BICD1: variants seen among roughly 807,000 people sequenced by gnomAD.
The protein encoded by BICD1 is protein bicaudal D homolog 1.
BICD1 carries 35 observed loss-of-function variants against 92.5 expected under a neutral mutation model. The observed-to-expected ratio is 0.38, with a 90% CI of 0.29 to 0.50. The LOEUF (loss-of-function observed/expected upper bound fraction) is 0.50, where lower values mean the gene tolerates loss of function less well. Among genes scored for constraint, BICD1 ranks in the 20% least tolerant of loss-of-function variants. The pLI, the probability that BICD1 is intolerant of heterozygous loss-of-function variation, is 0.93. For missense variants in BICD1, 950 were observed against 1,189.8 expected, an observed-to-expected ratio of 0.80 and a Z score of 2.97; for synonymous variants, 429 against 465.1, an observed-to-expected ratio of 0.92 and a Z score of 1.00.
At chr12:32,376,810 G>A (rs1397387336) in intron 9 of BICD1, among the ~76,000 whole-genome samples, 1 of 144,342 alleles carries the variant, frequency 6.9e-6, no homozygotes, top group Non-Finnish European at 1.5e-5. Context: ...GGAGGCTGCA[G>A]TGAGCTGAGA....
chr12:32,362,126 G>A (rs544764203), intron 8 of BICD1, among the ~76,000 whole-genome samples: 28 of 152,318 alleles, frequency 1.8e-4, no homozygotes, highest in Admixed American at 9.8e-4. Context: ...TTGGGAGGCC[G>A]AGGCAGGCAG....
chr12:32,252,116 TA>T lies in BICD1; in HGVS notation c.426+35658del, dbSNP rs1340559948. Among the ~76,000 whole-genome samples the T allele has an allele frequency of 7.6e-4, 56 of 73,910 alleles. 1 individual carries two copies. The highest frequency in any genetic ancestry group is 3.1e-3 in the African/African-American group (48 of 15,580). The allele number at this position is 73,910 out of a possible 152,430, so 48.5% of individuals were successfully genotyped here. A position where few individuals can be genotyped will look rare whatever the true frequency, so the allele number is the denominator to read the frequency against. On this transcript the variant is annotated intron_variant, in intron 2 of 9. Transcript: ENST00000652176. ...TATATTTATAATAAATATTATATAT[TA>T]TATATTTATAATAAATATTATATAT... is the stretch of plus-strand genomic sequence containing the variant.
intron 7 of BICD1, 116 bp from the exon 8 acceptor site, chr12:32,338,670 A>C: frequency 1.1e-6 from 1 of 871,618 alleles, no homozygotes; most frequent in Non-Finnish European, 1.7e-6. Flanking sequence ...ATTGATTTAC[A>C]TATTTAAAAA....
rs755982593 is a variant in BICD1, at chr12:32,306,500, T to TC, written c.1005+380dup. The stretch of plus-strand genomic sequence containing the variant: ...ACTTCGTGATCCGCCCGCCTTGGCC[T>TC]CCAAAGTGCTGGGATTACAGGCGTG... On this transcript the variant is annotated intron_variant, in intron 4 of 9. Transcript: ENST00000652176. 2.7e-3 allele frequency among the ~76,000 whole-genome samples: 412 copies of TC among 151,940 alleles called. 3 individuals carry two copies. Among genetic ancestry groups the TC allele is most frequent in the African/African-American group, 8.9e-3 (370 of 41,484 alleles).
At chr12:32,195,506 G>A (rs1396321395) in intron 1 of BICD1, among the ~76,000 whole-genome samples, 1 of 152,116 alleles carries the variant, frequency 6.6e-6, no homozygotes, top group African/African-American at 2.4e-5. Flanking sequence ...CTTTGACAAG[G>A]GTGCCAAGAA....
rs1040554788 is a variant in BICD1, at chr12:32,287,758, C to T, written c.427-6236C>T. On this transcript the variant is annotated intron_variant, in intron 2 of 9. Transcript: ENST00000652176. ...TTCACCGTGTTAGCCAGGATGATCT[C>T]GATCTCTTGACCTTGTGATCCGCCC... is the stretch of plus-strand genomic sequence containing the variant. Among the ~76,000 whole-genome samples the T allele has an allele frequency of 3.9e-5, 6 of 152,158 alleles. No individual in the cohort carries two copies. The East Asian group carries it at 7.7e-4, about 20-fold the overall frequency.
At chr12:32,198,349 T>TATATATATATATAG (rs1944794686) in intron 1 of BICD1, among the ~76,000 whole-genome samples, 1 of 142,466 alleles carries the variant, frequency 7.0e-6, no homozygotes, top group African/African-American at 2.5e-5. Context: ...TATATATATA[T>TATATATATATATAG]ATATTCCAAA....
Position 32,337,887 on chromosome 12 carries a change from T to A in BICD1, c.2570+71T>A. On this transcript the variant is annotated intron_variant, in intron 7 of 9. Coordinates refer to ENST00000652176, the MANE Select transcript of BICD1 (RefSeq NM_001714.4). This position sits in a 1 kb window ranked among gnomAD's most constrained non-coding sequence, Gnocchi z 4.7. ...TAGTTAACTGCAAAAATAAATGTGC[T>A]CTTGTTGTGGAGGATGGAGGAGGGG... The A allele has an allele frequency of 6.5e-7, 1 of 1,540,078 alleles. No individual in the cohort carries two copies. Among genetic ancestry groups the A allele is most frequent in the Non-Finnish European group, 9.0e-7 (1 of 1,116,102 alleles).
intron 1 of BICD1, among the ~76,000 whole-genome samples, chr12:32,212,120 G>A (rs1232690585): frequency 6.6e-6 from 1 of 152,204 alleles, no homozygotes; most frequent in Non-Finnish European, 1.5e-5. Context: ...GAATATTTCT[G>A]TCTCACTGAT....
At chr12:32,233,704 C>T (rs1411770736) in intron 2 of BICD1, among the ~76,000 whole-genome samples, 1 of 152,146 alleles carries the variant, frequency 6.6e-6, no homozygotes, top group Non-Finnish European at 1.5e-5. Flanking sequence ...CAAACTTTTT[C>T]TCCCACCCTA....
intron 2 of BICD1, among the ~76,000 whole-genome samples, chr12:32,257,796 T>C (rs934146466): frequency 2.0e-5 from 3 of 152,232 alleles, no homozygotes; most frequent in African/African-American, 7.2e-5. Flanking sequence ...TGGAACCTTA[T>C]GTTTGTGCAG....
chr12:32,327,763 C>T lies in BICD1; in HGVS notation c.1308C>T (p.Ala436=), dbSNP rs772900505. The change falls in exon 5 of 10, where the codon GCC becomes GCT. Residue 436 remains alanine, a synonymous_variant. Coordinates refer to ENST00000652176, the MANE Select transcript of BICD1 (RefSeq NM_001714.4). ...TTGATCTGAAAGCTGAAATTAAGGC[C>T]TTAAAGGAGAAATATAATAAATCTG... ...EVIDLKAEIK[A]LKEKYNKSVE... The T allele has an allele frequency of 3.1e-6, 5 of 1,613,898 alleles. No individual in the cohort carries two copies. In the East Asian group the frequency reaches 8.9e-5, roughly 29 times the overall value.
intron 2 of BICD1, among the ~76,000 whole-genome samples, chr12:32,268,737 A>G (rs1164130375): frequency 1.3e-5 from 2 of 152,226 alleles, no homozygotes; most frequent in Non-Finnish European, 2.9e-5. Context: ...CGGAGGTTGC[A>G]GTGAGCCAAG....
chr12:32,323,911 A>G (rs1321718868), intron 4 of BICD1, among the ~76,000 whole-genome samples: 1 of 152,222 alleles, frequency 6.6e-6, no homozygotes, highest in Non-Finnish European at 1.5e-5. Flanking sequence ...GGTTATAAAT[A>G]TATATAGAAA....
Position 32,200,936 on chromosome 12 carries a change from C to CTT in BICD1, c.214-15310_214-15309dup, listed in dbSNP as rs1320804694. ...TATGTCCAAGAAACATTTTTCTTTG[C>CTT]TTAATACTAAAAGCCTCTTGATCTG... is the stretch of plus-strand genomic sequence containing the variant. On this transcript the variant is annotated intron_variant, in intron 1 of 9. Transcript: ENST00000652176. 5.9e-5 allele frequency among the ~76,000 whole-genome samples: 9 copies of CTT among 152,294 alleles called. No individual in the cohort carries two copies. The East Asian group carries it at 1.7e-3, about 29-fold the overall frequency.
chr12:32,283,611 G>A (rs937313096), intron 2 of BICD1, among the ~76,000 whole-genome samples: 1 of 152,212 alleles, frequency 6.6e-6, no homozygotes, highest in Non-Finnish European at 1.5e-5. Flanking sequence ...TAGATAATGA[G>A]CAAATTGGGG....
intron 1 of BICD1, among the ~76,000 whole-genome samples, chr12:32,129,179 C>T (rs1351743493): frequency 1.3e-5 from 2 of 151,594 alleles, no homozygotes; most frequent in East Asian, 2.0e-4. Context: ...AGGTGATCCG[C>T]CTGCCTCAGC....
chr12:32,252,811 T>C (rs1312684547), intron 2 of BICD1, among the ~76,000 whole-genome samples: 4 of 152,216 alleles, frequency 2.6e-5, no homozygotes, highest in South Asian at 2.1e-4. Flanking sequence ...TATAGGATGC[T>C]ACACAGTTGG....
chr12:32,314,469 T>A (rs1199137597), intron 4 of BICD1, among the ~76,000 whole-genome samples: 1 of 152,274 alleles, frequency 6.6e-6, no homozygotes, highest in Non-Finnish European at 1.5e-5. Context: ...ATAGCCATCC[T>A]GGTGGATGTG....
Sources: allele counts gnomAD v4.1 joint callset (sites outside exome capture counted in the v4.1 genomes callset), GRCh38; gene constraint gnomAD v4.1.1; non-coding constraint Gnocchi (gnomAD v3.1); transcripts MANE v1.5; gene names NCBI Gene and HGNC (gene_info 2026-07-23, HGNC 2026-07-21).